Variants in BEND7 observed in about 807,000 individuals in gnomAD.
BEND7 encodes the protein BEN domain-containing protein 7.
BEND7 carries 28 observed loss-of-function variants against 50.9 expected under a neutral mutation model. That is an observed-to-expected ratio of 0.55 (90% CI 0.41 to 0.75). The LOEUF (loss-of-function observed/expected upper bound fraction) is 0.75. Ranked by LOEUF, BEND7 falls within the 30% of genes least tolerant of loss-of-function variation. The pLI, the probability that BEND7 is intolerant of heterozygous loss-of-function variation, is 0.00. For synonymous variants in BEND7, 170 were observed against 183.9 expected (o/e 0.92, Z 0.61); for missense variants, 477 against 491.3 (o/e 0.97, Z 0.28).
At chr10:13,512,487 C>T (rs2078347210) in intron 2 of BEND7, among the ~76,000 whole-genome samples, 1 of 152,180 alleles carries the variant, frequency 6.6e-6, no homozygotes, top group South Asian at 2.1e-4. Flanking sequence ...ACAAGTCTTG[C>T]CTTCATTCAA....
rs887665055 is a variant in BEND7, at chr10:13,492,508, G to T, written c.837+103C>A. The T allele has an allele frequency of 2.0e-5, 28 of 1,408,820 alleles. No homozygotes were observed. In the African/African-American group the frequency reaches 3.3e-4, roughly 17 times the overall value. 87.3% of individuals were successfully genotyped at this position (1,408,820 alleles called of 1,614,324 possible). A position where few individuals can be genotyped will look rare whatever the true frequency, so the allele number is the denominator to read the frequency against. On this transcript the variant is annotated intron_variant, in intron 5 of 8. Transcript: ENST00000466271. ...CTTCTTTTCTTCTTTCCCACATATA[G>T]TCTGCAAGTTTCTCTAGTTGTCAAA...
chr10:13,441,699 C>A lies in BEND7; in HGVS notation c.*44G>T. ...GGGAGGCAGAGGACGGATTTTAAAA[C>A]CCATGGTGCAAAAAACACAAGAGCT... On this transcript the variant is annotated 3_prime_UTR_variant, in exon 9 of 9. Transcript: ENST00000466271. 1.2e-6 allele frequency: 2 copies of A among 1,612,886 alleles called. No homozygotes were observed. Among genetic ancestry groups the A allele is most frequent in the Non-Finnish European group, 1.7e-6 (2 of 1,179,588 alleles).
intron 6 of BEND7, among the ~76,000 whole-genome samples, chr10:13,454,572 A>G (rs1588667027): frequency 6.6e-6 from 1 of 151,998 alleles, no homozygotes; most frequent in East Asian, 1.9e-4. Flanking sequence ...GTGAGCTATG[A>G]TTACACCATT....
In BEND7 at chr10:13,452,429, C is replaced by G; in HGVS notation, c.1183+110G>C. 2.5e-6 allele frequency: 3 copies of G among 1,199,478 alleles called. No homozygotes were observed. The South Asian group carries it at 5.6e-5, about 22-fold the overall frequency. The allele number at this position is 1,199,478 out of a possible 1,614,324, so 74.3% of individuals were successfully genotyped here. On this transcript the variant is annotated intron_variant, in intron 7 of 8. Transcript: ENST00000466271. ...CAAATCAGCATATTATAAACAGTCT[C>G]TCCTTCAAAAGACAAGATGCTGAAA...
At chr10:13,461,786 A>C (rs555647848) in intron 6 of BEND7, among the ~76,000 whole-genome samples, 2 of 152,212 alleles carry the variant, frequency 1.3e-5, no homozygotes, top group South Asian at 4.2e-4. Context: ...TTGGGATCTG[A>C]GGTTGCACCA....
Position 13,480,649 on chromosome 10 carries a change from A to G in BEND7, c.1063+250T>C, listed in dbSNP as rs1027418507. On this transcript the variant is annotated intron_variant, in intron 6 of 8. Coordinates refer to ENST00000466271, the MANE Select transcript of BEND7 (RefSeq NM_001369863.1). The stretch of plus-strand genomic sequence containing the variant: ...AAAGTCAAGAAAAAACTTCTTTTTG[A>G]TTCTGCAGCAGGTCAAACTGGCTCT... 8 of 984,796 alleles carry G rather than the reference A, an allele frequency of 8.1e-6. No homozygotes were observed. In the African/African-American group the frequency reaches 1.4e-4, roughly 17 times the overall value. The allele number at this position is 984,796 out of a possible 1,614,324, so 61.0% of individuals were successfully genotyped here.
chr10:13,493,223 G>A lies in BEND7; in HGVS notation c.572-347C>T, dbSNP rs193059720. On this transcript the variant is annotated intron_variant, in intron 4 of 8. Coordinates refer to ENST00000466271, the MANE Select transcript of BEND7 (RefSeq NM_001369863.1). Reference sequence around the variant, plus strand: ...ATGTTTTTAAATAAATGAGAACTTCGGGATTTAAATTTAGATAGAGACGGC... The same window carrying A: ...ATGTTTTTAAATAAATGAGAACTTCAGGATTTAAATTTAGATAGAGACGGC... Among the ~76,000 whole-genome samples, 968 of 152,254 alleles carry A rather than the reference G, an allele frequency of 6.4e-3. 29 individuals carry two copies. The highest frequency in any genetic ancestry group is 0.05 in the Admixed American group (762 of 15,278).
rs142767037 is a variant in BEND7 at position 13,454,969 on chromosome 10, C to T, written c.1064-2311G>A. 6.1e-3 allele frequency among the ~76,000 whole-genome samples: 932 copies of T among 151,996 alleles called. 8 individuals are homozygous for T. The highest frequency in any genetic ancestry group is 0.022 in the African/African-American group (896 of 41,476). On this transcript the variant is annotated intron_variant, in intron 6 of 8. Transcript: ENST00000466271. ...GGTGGATCACTTGAGGTCAGGAGTT[C>T]GAGACCAGCCTGGCCAACACAGTGA...
At position 13,441,603 on chromosome 10, in the gene BEND7, C is replaced by T; in HGVS notation, c.*140G>A. 1 of 1,520,860 alleles carries T rather than the reference C, an allele frequency of 6.6e-7. No homozygotes were observed. 94.2% of individuals were successfully genotyped at this position (1,520,860 alleles called of 1,614,324 possible). ...CGTTTCTGCCTTGACCAGCAACATA[C>T]TCATCCTATTTTAACACGGCGAAAG... On this transcript the variant is annotated 3_prime_UTR_variant, in exon 9 of 9. Transcript: ENST00000466271.
intron 6 of BEND7, among the ~76,000 whole-genome samples, chr10:13,477,421 C>CCA: frequency 6.6e-6 from 1 of 152,212 alleles, no homozygotes; most frequent in African/African-American, 2.4e-5. Flanking sequence ...TATAAAGAAA[C>CCA]CATTTTATCA....
At chr10:13,459,101 A>G (rs1839664077) in intron 6 of BEND7, among the ~76,000 whole-genome samples, 2 of 152,222 alleles carry the variant, frequency 1.3e-5, no homozygotes, top group Non-Finnish European at 2.9e-5. Context: ...CAGTGACGGT[A>G]CAAGAAAAAT....
At chr10:13,441,892 A>G in intron 8 of BEND7, 142 bp from the exon 9 acceptor site, 1 of 785,506 alleles carries the variant, frequency 1.3e-6, no homozygotes, top group Non-Finnish European at 2.1e-6. Context: ...GAAGCCACAC[A>G]TATATGAGAT....
chr10:13,444,478 C>T (rs947546225), intron 8 of BEND7: 1 of 152,122 alleles, frequency 6.6e-6, no homozygotes, highest in African/African-American at 2.4e-5. Flanking sequence ...GGAAAAAAGA[C>T]CTTAAAAAAG....
intron 6 of BEND7, among the ~76,000 whole-genome samples, chr10:13,467,584 C>T (rs892786782): frequency 1.3e-5 from 2 of 152,130 alleles, no homozygotes; most frequent in African/African-American, 2.4e-5. Context: ...TGTTTTTGAT[C>T]GACAAGATTA....
chr10:13,503,738 A>G (rs2077655914), intron 2 of BEND7, among the ~76,000 whole-genome samples: 1 of 152,018 alleles, frequency 6.6e-6, no homozygotes, highest in Admixed American at 6.6e-5. Flanking sequence ...CAAACAAACA[A>G]CAACTAAAAG....
intron 6 of BEND7, chr10:13,459,558 G>A (rs1839789684): frequency 6.6e-6 from 1 of 152,184 alleles, no homozygotes; most frequent in South Asian, 2.1e-4. Flanking sequence ...ATCAAGGCTG[G>A]TTGTTCAGGC....
downstream of BEND7, chr10:13,438,566 G>C (rs930198147): frequency 8.6e-5 from 13 of 151,996 alleles, no homozygotes; most frequent in East Asian, 1.5e-3. Flanking sequence ...TATTACTTTC[G>C]GGGGGATAAT....
chr10:13,502,167 TTAGA>T (rs1282710716), intron 2 of BEND7, among the ~76,000 whole-genome samples: 1 of 152,198 alleles, frequency 6.6e-6, no homozygotes, highest in African/African-American at 2.4e-5. Flanking sequence ...TGCTTTCCAG[TTAGA>T]TATTTAGCTT....
chr10:13,454,488 T>C (rs1434852001), intron 6 of BEND7, among the ~76,000 whole-genome samples: 1 of 151,952 alleles, frequency 6.6e-6, no homozygotes, highest in Non-Finnish European at 1.5e-5. Flanking sequence ...GGAGTGGTGG[T>C]GCAAGCCTGT....
Sources: allele counts gnomAD v4.1 joint callset (sites outside exome capture counted in the v4.1 genomes callset), GRCh38; gene constraint gnomAD v4.1.1; transcripts MANE v1.5; gene names NCBI Gene and HGNC (gene_info 2026-07-23, HGNC 2026-07-21).